TRPM3: variants seen among roughly 807,000 people sequenced by gnomAD.
TRPM3 encodes long transient receptor potential channel 3.
A neutral mutation model predicts 181.2 loss-of-function variants in TRPM3; 77 were observed. The ratio of observed to expected loss-of-function variants is 0.42; its 90% CI spans 0.35 to 0.51. TRPM3 has a LOEUF of 0.51. Ranked by LOEUF, TRPM3 falls within the 20% of genes least tolerant of loss-of-function variation. TRPM3 has a pLI of 0.01. For missense variants in TRPM3, 1,759 were observed against 2,196.7 expected (o/e 0.80, Z 3.98); for synonymous variants, 745 against 796.4 (o/e 0.94, Z 1.09).
chr9:71,111,340 C>T (rs569977062), intron 1 of TRPM3, among the ~76,000 whole-genome samples: 52 of 152,280 alleles, frequency 3.4e-4, no homozygotes, highest in African/African-American at 1.3e-3. Context: ...CAATTACGTA[C>T]CCACCCGTTA....
At position 71,151,989 on chromosome 9, in the gene TRPM3, T is replaced by C. The variant is rs186440175; in HGVS notation, c.184-287478A>G. On this transcript the variant is annotated intron_variant, in intron 1 of 24. Coordinates refer to the TRPM3 transcript ENST00000357533. The stretch of plus-strand genomic sequence containing the variant: ...CAGGGAAAGATATATCTACTTTTCC[T>C]TTTCAGAAAAGGTGTAAGAACCCTG... Among the ~76,000 whole-genome samples the C allele has an allele frequency of 1.8e-3, 268 of 152,296 alleles. 1 individual carries two copies. The highest frequency in any genetic ancestry group is 4.2e-4 in the South Asian group (2 of 4,808).
At chr9:71,298,499 T>C (rs897280187) in intron 1 of TRPM3, among the ~76,000 whole-genome samples, 18 of 151,842 alleles carry the variant, frequency 1.2e-4, no homozygotes, top group Admixed American at 1.1e-3. Flanking sequence ...TATGAAGATA[T>C]AAAAATTTAT....
intron 3 of TRPM3, among the ~76,000 whole-genome samples, chr9:70,858,899 C>A (rs2095453259): frequency 6.6e-6 from 1 of 152,142 alleles, no homozygotes; most frequent in African/African-American, 2.4e-5. Context: ...GGTCCCTGGT[C>A]CTACCTCCTT....
In TRPM3 at chr9:70,917,217, CA is replaced by C. The variant is rs2096605936; in HGVS notation, c.178-52707del. 13 of 1,588,008 alleles carry C rather than the reference CA, an allele frequency of 8.2e-6. 1 individual carries two copies. In the South Asian group the frequency reaches 1.1e-4, roughly 13 times the overall value. Reference sequence around the variant, plus strand: ...ACAACTTTATTGAAGTCCTGGATTGCAAAATACAGGGCAATAGCAGTGAGTG... The same window carrying C: ...ACAACTTTATTGAAGTCCTGGATTGCAAATACAGGGCAATAGCAGTGAGTG... On this transcript the variant is annotated intron_variant, in intron 1 of 25. Coordinates refer to ENST00000677713, the MANE Select transcript of TRPM3 (RefSeq NM_001366145.2).
At chr9:71,238,828 C>G (rs1045593656) in intron 1 of TRPM3, among the ~76,000 whole-genome samples, 1 of 152,078 alleles carries the variant, frequency 6.6e-6, no homozygotes, top group African/African-American at 2.4e-5. Context: ...GGCATTTGAG[C>G]TTTCTCTCTC....
At chr9:71,368,707 A>T (rs1294949687) in intron 1 of TRPM3, among the ~76,000 whole-genome samples, 1 of 152,232 alleles carries the variant, frequency 6.6e-6, no homozygotes, top group African/African-American at 2.4e-5. Context: ...TTAGGTGAAA[A>T]AATAACATGT....
intron 1 of TRPM3, among the ~76,000 whole-genome samples, chr9:71,203,581 A>G (rs961563726): frequency 6.6e-6 from 1 of 152,230 alleles, no homozygotes; most frequent in African/African-American, 2.4e-5. Flanking sequence ...TTGAAGTCCC[A>G]GTTATGCTAC....
chr9:70,935,687 T>C (rs1456942706), intron 1 of TRPM3, among the ~76,000 whole-genome samples: 1 of 152,224 alleles, frequency 6.6e-6, no homozygotes, highest in Non-Finnish European at 1.5e-5. Flanking sequence ...CTGGATCTAA[T>C]AATTTGATTC....
chr9:71,126,773 C>A (rs571029533), intron 1 of TRPM3, among the ~76,000 whole-genome samples: 28 of 152,292 alleles, frequency 1.8e-4, no homozygotes, highest in Admixed American at 1.6e-3. Flanking sequence ...ATTATTGGGA[C>A]AGCATCTCTG....
chr9:70,579,319 G>A (rs541931975), intron 22 of TRPM3: 2 of 152,250 alleles, frequency 1.3e-5, no homozygotes, highest in Admixed American at 1.3e-4. Context: ...TCCCTCCCAG[G>A]AGGTCACTAC....
intron 1 of TRPM3, among the ~76,000 whole-genome samples, chr9:70,989,508 T>G (rs2134106799): frequency 6.6e-6 from 1 of 152,324 alleles, no homozygotes; most frequent in Non-Finnish European, 1.5e-5. Context: ...TTTACAACTG[T>G]AAACAGCTTT....
intron 1 of TRPM3, among the ~76,000 whole-genome samples, chr9:71,391,456 G>T (rs537638430): frequency 2.0e-4 from 30 of 152,016 alleles, no homozygotes; most frequent in Non-Finnish European, 4.4e-5. Context: ...CAACAAAATA[G>T]TGATTTTTCT....
chr9:70,610,441 T>TAACA (rs1346421819), intron 19 of TRPM3, among the ~76,000 whole-genome samples, 168 bp downstream of exon 19: 1 of 152,182 alleles, frequency 6.6e-6, no homozygotes, highest in African/African-American at 2.4e-5. Context: ...GAAAGCTGCC[T>TAACA]AACAAACGCC....
At chr9:71,342,275 A>T (rs926253974) in intron 1 of TRPM3, among the ~76,000 whole-genome samples, 3 of 145,684 alleles carry the variant, frequency 2.1e-5, no homozygotes, top group Non-Finnish European at 4.5e-5. Context: ...TATATAAATA[A>T]ATATATATGC....
At chr9:70,858,700 G>A (rs1268439225) in intron 3 of TRPM3, among the ~76,000 whole-genome samples, 2 of 151,986 alleles carry the variant, frequency 1.3e-5, no homozygotes, top group African/African-American at 2.4e-5. Context: ...CATAACCTCC[G>A]AGACCTAGCC....
intron 1 of TRPM3, among the ~76,000 whole-genome samples, chr9:70,996,567 T>C (rs1182336403): frequency 6.6e-6 from 1 of 152,234 alleles, no homozygotes; most frequent in Non-Finnish European, 1.5e-5. Flanking sequence ...ATTCAGATTA[T>C]GTGCAAGGCC....
chr9:71,257,522 G>A lies in TRPM3; in HGVS notation c.183+189131C>T, dbSNP rs73647987. On this transcript the variant is annotated intron_variant, in intron 1 of 24. Coordinates refer to the TRPM3 transcript ENST00000357533. ...CAGTAAAAACTGTGTGATAGTAATGGCAAAACATTATATATGAGATATTTT... is the reference window on the plus strand; with the variant it reads ...CAGTAAAAACTGTGTGATAGTAATGACAAAACATTATATATGAGATATTTT... Among the ~76,000 whole-genome samples, 661 of 152,188 alleles carry A rather than the reference G, an allele frequency of 4.3e-3. 4 individuals carry two copies. Among genetic ancestry groups the A allele is most frequent in the African/African-American group, 0.015 (638 of 41,552 alleles).
At chr9:70,999,670 T>G (rs1299660814) in intron 1 of TRPM3, among the ~76,000 whole-genome samples, 1 of 152,212 alleles carries the variant, frequency 6.6e-6, no homozygotes, top group African/African-American at 2.4e-5. Flanking sequence ...GCATTTTAAG[T>G]TTTTGTTCCC....
At chr9:70,918,482 T>C (rs1020586224) in intron 1 of TRPM3, among the ~76,000 whole-genome samples, 5 of 152,166 alleles carry the variant, frequency 3.3e-5, no homozygotes, top group African/African-American at 9.7e-5. Context: ...TTTTGGGATC[T>C]ATACAAATAC....
Sources: allele counts gnomAD v4.1 joint callset (sites outside exome capture counted in the v4.1 genomes callset), GRCh38; gene constraint gnomAD v4.1.1; transcripts MANE v1.5; gene names NCBI Gene and HGNC (gene_info 2026-07-23, HGNC 2026-07-21).